RYR2: variants seen among roughly 807,000 people sequenced by gnomAD.
The protein encoded by RYR2 is ryanodine receptor 2, also known as cardiac muscle ryanodine receptor-calcium release channel.
RYR2 carries 227 observed loss-of-function variants against 601.1 expected under a neutral mutation model. The observed-to-expected ratio is 0.38, with a 90% CI of 0.34 to 0.42. The LOEUF is 0.42. Ranked by LOEUF, RYR2 falls within the 10% of genes least tolerant of loss-of-function variation. The pLI is 1.00. For missense variants in RYR2, 4,646 were observed against 6,156.5 expected, an observed-to-expected ratio of 0.75 and a Z score of 8.21; for synonymous variants, 2,223 against 2,175.1, an observed-to-expected ratio of 1.02 and a Z score of -0.61.
chr1:237,668,567 G>A (rs768154008), intron 58 of RYR2, among the ~76,000 whole-genome samples: 4 of 152,232 alleles, frequency 2.6e-5, no homozygotes, highest in Non-Finnish European at 5.9e-5. Context: ...ATGCGCTGTC[G>A]TTAATGACTT....
Position 237,760,973 on chromosome 1 carries a change from A to G in RYR2, c.11421A>G (p.Ala3807=). ...ATTATAGTGTCCTTGACCTAAATGCATTTGAGCGACAAAACAAAGCTGAAG... is the reference window on the plus strand; with the variant it reads ...ATTATAGTGTCCTTGACCTAAATGCGTTTGAGCGACAAAACAAAGCTGAAG... ...MQSCSVLDLN[A]FERQNKAEGL... The change falls in exon 84 of 105, where the codon GCA becomes GCG. Residue 3807 remains alanine (A), a synonymous_variant. Coordinates refer to ENST00000366574, the MANE Select transcript of RYR2 (RefSeq NM_001035.3). 1 of 1,574,788 alleles carries G rather than the reference A, an allele frequency of 6.4e-7. No individual in the cohort carries two copies. Among genetic ancestry groups the G allele is most frequent in the Non-Finnish European group, 8.6e-7 (1 of 1,158,306 alleles).
chr1:237,111,818 A>G (rs1250506740), intron 1 of RYR2, among the ~76,000 whole-genome samples: 2 of 152,104 alleles, frequency 1.3e-5, no homozygotes, highest in Non-Finnish European at 2.9e-5. Flanking sequence ...CTGCTCCTTG[A>G]GGGTTCTAGT....
At chr1:237,830,262 G>A (rs899747585) in intron 102 of RYR2, 6 of 334,728 alleles carry the variant, frequency 1.8e-5, no homozygotes, top group East Asian at 6.6e-5. Context: ...AGGAAGAGAC[G>A]TTGCTTTTCA....
At chr1:237,453,233 G>A (rs1224465908) in intron 14 of RYR2, among the ~76,000 whole-genome samples, 4 of 152,014 alleles carry the variant, frequency 2.6e-5, no homozygotes. Context: ...AAACTTGGGG[G>A]TAGGTAGGTG....
At chr1:237,731,991 T>C in intron 77 of RYR2, 55 bp from the exon 78 acceptor site, 2 of 1,164,136 alleles carry the variant, frequency 1.7e-6, no homozygotes, top group Admixed American at 1.8e-5. Flanking sequence ...TGCTTTTGGA[T>C]TTGAGTGAAC....
At chr1:237,616,139 A>C (rs1351444622) in intron 37 of RYR2, among the ~76,000 whole-genome samples, 1 of 152,150 alleles carries the variant, frequency 6.6e-6, no homozygotes, top group Non-Finnish European at 1.5e-5. Flanking sequence ...AAGGAGATGG[A>C]GAAAAGGGGT....
chr1:237,379,324 G>A (rs142729992), intron 8 of RYR2, among the ~76,000 whole-genome samples: 104 of 152,256 alleles, frequency 6.8e-4, no homozygotes, highest in African/African-American at 1.8e-3. Flanking sequence ...AGACCTCACA[G>A]GGCCAGGACT....
intron 53 of RYR2, among the ~76,000 whole-genome samples, chr1:237,656,847 T>G (rs1683294347): frequency 6.6e-6 from 1 of 152,202 alleles, no homozygotes. Flanking sequence ...TGTTTGGTCT[T>G]TGATGACAGT....
At chr1:237,689,553 T>C (rs1308206632) in intron 63 of RYR2, among the ~76,000 whole-genome samples, 7 of 152,364 alleles carry the variant, frequency 4.6e-5, no homozygotes, top group Admixed American at 6.5e-5. Flanking sequence ...GGTGAAAAAC[T>C]AGACCTTAAC....
Position 237,646,659 on chromosome 1 carries a change from A to C in RYR2, c.7343-1785A>C, listed in dbSNP as rs149582354. ...TTTATCATATTTATTTCCAAGCTAG[A>C]GTATGCCTCAGAATAATAATGAAAG... On this transcript the variant is annotated intron_variant, in intron 48 of 104. Transcript: ENST00000366574. Among the ~76,000 whole-genome samples, 600 of 152,308 alleles carry C rather than the reference A, an allele frequency of 3.9e-3. 1 individual carries two copies. Among genetic ancestry groups the C allele is most frequent in the East Asian group, 0.021 (108 of 5,172 alleles).
Position 237,042,381 on chromosome 1 carries a change from C to G in RYR2, c.-141C>G. On this transcript the variant is annotated 5_prime_UTR_variant, in exon 1 of 105. Transcript: ENST00000366574. ...TCCTCCGCTCTGCAGGCGGGGACCG[C>G]CCGGCGCTCGGCACCCGGCAGCGCG... 5 of 829,558 alleles carry G rather than the reference C, an allele frequency of 6.0e-6. No individual in the cohort carries two copies. Among genetic ancestry groups the G allele is most frequent in the Non-Finnish European group, 7.8e-6 (5 of 640,230 alleles). 51.4% of individuals were successfully genotyped at this position (829,558 alleles called of 1,614,324 possible). A position where few individuals can be genotyped will look rare whatever the true frequency, so the allele number is the denominator to read the frequency against.
chr1:237,431,196 A>G (rs748162756), intron 12 of RYR2, among the ~76,000 whole-genome samples: 12 of 152,216 alleles, frequency 7.9e-5, no homozygotes, highest in African/African-American at 2.7e-4. Flanking sequence ...TTTTAATCAC[A>G]GTATATTTTT....
At chr1:237,320,310 AGTGTT>A (rs1233219232) in intron 2 of RYR2, among the ~76,000 whole-genome samples, 2 of 152,196 alleles carry the variant, frequency 1.3e-5, no homozygotes, top group Non-Finnish European at 2.9e-5. Flanking sequence ...AACATAAAAA[AGTGTT>A]ATGTTATGGC....
chr1:237,437,077 C>T (rs942774089), intron 12 of RYR2, among the ~76,000 whole-genome samples: 1 of 151,236 alleles, frequency 6.6e-6, no homozygotes, highest in Non-Finnish European at 1.5e-5. Flanking sequence ...TGGACTCTGG[C>T]TCTGTTGCCC....
chr1:237,720,249 A>C (rs1283478947), intron 73 of RYR2, among the ~76,000 whole-genome samples: 1 of 152,186 alleles, frequency 6.6e-6, no homozygotes, highest in Non-Finnish European at 1.5e-5. Context: ...GAAAATACGC[A>C]AATGTCAAAA....
intron 2 of RYR2, among the ~76,000 whole-genome samples, chr1:237,307,107 G>T (rs1250916462): frequency 6.6e-6 from 1 of 152,098 alleles, no homozygotes; most frequent in Non-Finnish European, 1.5e-5. Context: ...ATTTGAGCTT[G>T]TATTTTCTTT....
intron 2 of RYR2, among the ~76,000 whole-genome samples, chr1:237,293,073 CCAAG>C (rs532313826): frequency 1.3e-3 from 191 of 152,218 alleles, no homozygotes; most frequent in Non-Finnish European, 2.0e-3. Context: ...TCTCCACACA[CCAAG>C]CAATTCTCCA....
At chr1:237,228,600 G>A (rs568012320) in intron 1 of RYR2, among the ~76,000 whole-genome samples, 190 of 152,282 alleles carry the variant, frequency 1.2e-3, no homozygotes, top group African/African-American at 4.4e-3. Flanking sequence ...TGCTGTACAT[G>A]TGATAAACAA....
At chr1:237,598,818 AAC>A (rs1158163819) in intron 34 of RYR2, among the ~76,000 whole-genome samples, 3 of 152,186 alleles carry the variant, frequency 2.0e-5, no homozygotes, top group Non-Finnish European at 2.9e-5. Flanking sequence ...ACAATAACGA[AAC>A]AGAGACTAAA....
Sources: gnomAD v4.1 joint callset for allele counts (sites outside exome capture counted in the v4.1 genomes callset) on GRCh38, gnomAD v4.1.1 for gene constraint, MANE v1.5 for transcripts, NCBI Gene and HGNC (gene_info 2026-07-23, HGNC 2026-07-21) for gene names.